The following RHOBTB1 variants were observed in gnomAD, a reference collection of about 807,000 sequenced individuals.
RHOBTB1 encodes the protein rho-related BTB domain-containing protein 1.
In RHOBTB1, 40 loss-of-function variants were observed where a neutral mutation model predicts 71.6. The observed-to-expected ratio is 0.56, with a 90% CI of 0.43 to 0.73. The LOEUF is 0.73. Ranked by LOEUF, RHOBTB1 falls within the 30% of genes least tolerant of loss-of-function variation. RHOBTB1 has a pLI of 0.00. For missense variants in RHOBTB1, 797 were observed against 894.0 expected (o/e 0.89, Z 1.38); for synonymous variants, 319 against 334.9 (o/e 0.95, Z 0.52).
intron 4 of RHOBTB1, 25 bp from the exon 5 acceptor site, chr10:60,893,020 T>G (rs1186212546): frequency 6.3e-7 from 1 of 1,581,956 alleles, no homozygotes; most frequent in East Asian, 2.2e-5. Flanking sequence ...TAAAAGAAGC[T>G]TGTATTGCCT....
intron 1 of RHOBTB1, among the ~76,000 whole-genome samples, chr10:61,001,063 TGC>T (rs1042808379): frequency 3.0e-4 from 45 of 151,384 alleles, no homozygotes; most frequent in African/African-American, 1.0e-3. Context: ...TGTGTGTGAG[TGC>T]GCGCGCGCGC....
intron 5 of RHOBTB1, among the ~76,000 whole-genome samples, chr10:60,892,296 A>C (rs1024150654): frequency 3.3e-5 from 5 of 152,206 alleles, no homozygotes. Context: ...TTTTGCAACT[A>C]TAGGTCCGAA....
At chr10:60,962,979 A>C (rs2085836754) in intron 2 of RHOBTB1, among the ~76,000 whole-genome samples, 1 of 152,170 alleles carries the variant, frequency 6.6e-6, no homozygotes, top group Admixed American at 6.6e-5. Flanking sequence ...TTAGGACTGA[A>C]AATCTATTTT....
At chr10:60,954,024 T>C (rs1481014925) in intron 2 of RHOBTB1, among the ~76,000 whole-genome samples, 4 of 152,234 alleles carry the variant, frequency 2.6e-5, no homozygotes, top group African/African-American at 7.2e-5. Flanking sequence ...AGCGGTAAAC[T>C]TGGCTAATTA....
At position 60,886,379 on chromosome 10, in the gene RHOBTB1, A is replaced by G. The variant is rs1372302073; in HGVS notation, c.1457-149T>C. ...GATTTTATGTCAATCCCCATCTTTGAGCTTTGACACACCCAGCTCCCACCT... is the reference window on the plus strand; with the variant it reads ...GATTTTATGTCAATCCCCATCTTTGGGCTTTGACACACCCAGCTCCCACCT... On this transcript the variant is annotated intron_variant, in intron 6 of 10. Transcript: ENST00000337910. The G allele has an allele frequency of 4.9e-6, 3 of 617,870 alleles. No individual in the cohort carries two copies. The East Asian group carries it at 8.2e-5, about 17-fold the overall frequency. The allele number at this position is 617,870 out of a possible 1,614,324, so 38.3% of individuals were successfully genotyped here.
intron 5 of RHOBTB1, among the ~76,000 whole-genome samples, chr10:60,889,933 T>C (rs1017798218): frequency 6.6e-6 from 1 of 152,214 alleles, no homozygotes; most frequent in Non-Finnish European, 1.5e-5. Flanking sequence ...TTCACCTTTA[T>C]CAACAGCATC....
chr10:60,880,333 G>A (rs1358551465), intron 7 of RHOBTB1, among the ~76,000 whole-genome samples: 1 of 151,844 alleles, frequency 6.6e-6, no homozygotes, highest in Non-Finnish European at 1.5e-5. Context: ...TATGGCTTAT[G>A]CACTCTGGCA....
intron 2 of RHOBTB1, among the ~76,000 whole-genome samples, chr10:60,924,449 C>G (rs1482105241): frequency 4.6e-5 from 7 of 151,796 alleles, no homozygotes; most frequent in Non-Finnish European, 8.8e-5. Context: ...GTCAATTAAG[C>G]AAGAGGATAT....
At chr10:60,903,067 A>G (rs2082487244) in intron 4 of RHOBTB1, among the ~76,000 whole-genome samples, 1 of 152,236 alleles carries the variant, frequency 6.6e-6, no homozygotes, top group Non-Finnish European at 1.5e-5. Flanking sequence ...CTATGGGAAC[A>G]TACGGAGAGA....
intron 2 of RHOBTB1, among the ~76,000 whole-genome samples, chr10:60,967,781 G>C (rs1187691004): frequency 6.6e-6 from 1 of 151,934 alleles, no homozygotes; most frequent in African/African-American, 2.4e-5. Context: ...AGACAATGCT[G>C]GTGTTTCTAT....
chr10:60,935,706 A>C (rs2084539580), intron 2 of RHOBTB1, among the ~76,000 whole-genome samples: 1 of 152,180 alleles, frequency 6.6e-6, no homozygotes, highest in Non-Finnish European at 1.5e-5. Context: ...AAATTACATA[A>C]ATTTACAATT....
chr10:60,986,956 T>C (rs2086688198), intron 1 of RHOBTB1, among the ~76,000 whole-genome samples: 1 of 152,146 alleles, frequency 6.6e-6, no homozygotes, highest in African/African-American at 2.4e-5. Context: ...TGAAGGAAAT[T>C]GTTGATTGCC....
chr10:60,906,140 TAAG>T (rs972495660), intron 4 of RHOBTB1, among the ~76,000 whole-genome samples: 1 of 152,190 alleles, frequency 6.6e-6, no homozygotes, highest in African/African-American at 2.4e-5. Context: ...GGACTCAAAA[TAAG>T]CCCAGAAATT....
rs369218859 is a variant in RHOBTB1 at position 60,911,522 on chromosome 10, G to A, written c.21C>T (p.Tyr7=). ...TGATAGTTTCAACGTTGGGTCTTTC[G>A]TAGTCCATGTCAGCGTCCATTTATG... MDADMD[Y]ERPNVETIKC... The change falls in exon 3 of 11, where the codon TAC becomes TAT. Residue 7 remains tyrosine, a synonymous_variant. Transcript: ENST00000337910. The A allele has an allele frequency of 4.3e-5, 69 of 1,613,930 alleles. No homozygotes were observed. The highest frequency in any genetic ancestry group is 2.1e-4 in the African/African-American group (16 of 74,912).
At chr10:61,001,853 T>C (rs969282754), upstream of RHOBTB1, among the ~76,000 whole-genome samples, 2 of 152,162 alleles carry the variant, frequency 1.3e-5, no homozygotes, top group Non-Finnish European at 2.9e-5. Flanking sequence ...CCTGGAGGCC[T>C]CCCCAGGACC....
chr10:60,864,036 G>T, the RHOBTB1 span, among the ~76,000 whole-genome samples: 5 of 152,038 alleles, frequency 3.3e-5, no homozygotes, highest in African/African-American at 9.7e-5. Flanking sequence ...TCGACCACTC[G>T]TGCAGGAATA....
At chr10:60,981,246 C>T (rs2086485675) in intron 2 of RHOBTB1, among the ~76,000 whole-genome samples, 2 of 152,086 alleles carry the variant, frequency 1.3e-5, no homozygotes, top group African/African-American at 2.4e-5. Flanking sequence ...AATTAGAACT[C>T]CAAGGCAATG....
chr10:60,890,786 G>A (rs533343058), intron 5 of RHOBTB1, among the ~76,000 whole-genome samples: 3 of 152,318 alleles, frequency 2.0e-5, no homozygotes, highest in African/African-American at 7.2e-5. Flanking sequence ...AAAGGTGGAA[G>A]GGAAGTTCAG....
chr10:60,908,193 T>C (rs1047980035), intron 4 of RHOBTB1, among the ~76,000 whole-genome samples: 2 of 152,174 alleles, frequency 1.3e-5, no homozygotes, highest in Non-Finnish European at 2.9e-5. Flanking sequence ...CTCTGCAAAC[T>C]AGAGCTTGTC....
Sources: allele counts gnomAD v4.1 joint callset (sites outside exome capture counted in the v4.1 genomes callset), GRCh38; gene constraint gnomAD v4.1.1; transcripts MANE v1.5; gene names NCBI Gene and HGNC (gene_info 2026-07-23, HGNC 2026-07-21).